The following PGAP4 variants were observed in gnomAD, a reference collection of about 807,000 sequenced individuals.
PGAP4 encodes the protein GPI-N-acetylgalactosamine transferase PGAP4.
In PGAP4, 12 loss-of-function variants were observed where a neutral mutation model predicts 28.2. The ratio of observed to expected loss-of-function variants is 0.42; its 90% CI spans 0.27 to 0.69. PGAP4 has a LOEUF of 0.69. Ranked by LOEUF, PGAP4 falls within the 30% of genes least tolerant of loss-of-function variation. PGAP4 has a pLI of 0.22. For missense variants in PGAP4, 425 were observed against 513.5 expected, an observed-to-expected ratio of 0.83 and a Z score of 1.67; for synonymous variants, 205 against 211.8, an observed-to-expected ratio of 0.97 and a Z score of 0.28.
chr9:101,509,217 A>C (rs1273633589), intron 2 of PGAP4, among the ~76,000 whole-genome samples: 1 of 152,160 alleles, frequency 6.6e-6, no homozygotes, highest in Non-Finnish European at 1.5e-5. Flanking sequence ...CCACCAGCTG[A>C]AAGAAAGAAG....
intron 2 of PGAP4, among the ~76,000 whole-genome samples, chr9:101,513,029 T>C (rs1377420585): frequency 6.6e-6 from 1 of 152,146 alleles, no homozygotes; most frequent in African/African-American, 2.4e-5. Context: ...AACAAGTAAA[T>C]CCTATTGCTG....
At chr9:101,485,068 T>C (rs1826582242) in intron 1 of PGAP4, among the ~76,000 whole-genome samples, 1 of 152,216 alleles carries the variant, frequency 6.6e-6, no homozygotes, top group African/African-American at 2.4e-5. Context: ...AGTCCATTTT[T>C]AAATTTGTGA....
At chr9:101,506,765 C>A (rs996218655) in intron 2 of PGAP4, among the ~76,000 whole-genome samples, 8 of 152,080 alleles carry the variant, frequency 5.3e-5, no homozygotes, top group African/African-American at 1.7e-4. Flanking sequence ...CCCTTAACAT[C>A]CATTAAAGCT....
intron 2 of PGAP4, among the ~76,000 whole-genome samples, chr9:101,528,787 C>A (rs1043469268): frequency 6.6e-6 from 1 of 150,728 alleles, no homozygotes; most frequent in East Asian, 1.9e-4. Flanking sequence ...AACATAGACA[C>A]TTCTTAGTTT....
At chr9:101,482,872 T>G (rs988001822) in intron 1 of PGAP4, among the ~76,000 whole-genome samples, 1 of 152,240 alleles carries the variant, frequency 6.6e-6, no homozygotes, top group South Asian at 2.1e-4. Flanking sequence ...TACCGCTTAT[T>G]AAGGCCATAC....
intron 2 of PGAP4, among the ~76,000 whole-genome samples, chr9:101,513,583 C>T (rs1030692770): frequency 2.0e-5 from 3 of 152,150 alleles, no homozygotes; most frequent in African/African-American, 7.2e-5. Flanking sequence ...GATTGTAATG[C>T]ACATGCCTCT....
At chr9:101,520,619 G>A (rs1338331714) in intron 2 of PGAP4, among the ~76,000 whole-genome samples, 1 of 152,122 alleles carries the variant, frequency 6.6e-6, no homozygotes. Flanking sequence ...GCTTTCTGGA[G>A]AAGTCCTTAG....
At chr9:101,502,604 C>A (rs927854017) in intron 2 of PGAP4, among the ~76,000 whole-genome samples, 1 of 152,024 alleles carries the variant, frequency 6.6e-6, no homozygotes, top group African/African-American at 2.4e-5. Flanking sequence ...ATTAGGAAAA[C>A]CATGAGGAGC....
chr9:101,490,025 C>G (rs1826672280), upstream of PGAP4, among the ~76,000 whole-genome samples: 1 of 152,072 alleles, frequency 6.6e-6, no homozygotes, highest in Non-Finnish European at 1.5e-5. Context: ...ATCCCTACTT[C>G]TATGGTTGGT....
chr9:101,521,760 G>A (rs569941556), intron 2 of PGAP4, among the ~76,000 whole-genome samples: 1 of 151,912 alleles, frequency 6.6e-6, no homozygotes, highest in African/African-American at 2.4e-5. Flanking sequence ...CTGGGTTTGG[G>A]TTTGGTTTGT....
Position 101,517,060 on chromosome 9 carries a change from T to C in PGAP4, c.-165+14288A>G, listed in dbSNP as rs545632320. ...AGTTATAATAACTATATACTGAAATTGAACCATTGCTGTTAGAGTCTGCTG... is the reference window on the plus strand; with the variant it reads ...AGTTATAATAACTATATACTGAAATCGAACCATTGCTGTTAGAGTCTGCTG... On this transcript the variant is annotated intron_variant, in intron 2 of 3. Transcript: ENST00000374851. 1.1e-3 allele frequency among the ~76,000 whole-genome samples: 161 copies of C among 152,324 alleles called. 1 individual carries two copies. In the Middle Eastern group the frequency reaches 0.031, roughly 29 times the overall value.
At position 101,477,153 on chromosome 9, in the gene PGAP4, G is replaced by C. The variant is rs1035343519; in HGVS notation, c.-61C>G. 1.3e-6 allele frequency: 2 copies of C among 1,493,200 alleles called. No individual in the cohort carries two copies. The highest frequency in any genetic ancestry group is 1.8e-6 in the Non-Finnish European group (2 of 1,123,564). The allele number at this position is 1,493,200 out of a possible 1,614,324, so 92.5% of individuals were successfully genotyped here. ...AAACCATCCTGGAACTCAGGCCAGA[G>C]TCATCAGAAATCAAACCTAAAGAGA... On this transcript the variant is annotated 5_prime_UTR_variant, in exon 2 of 2. Transcript: ENST00000374848.
chr9:101,477,068 C>A lies in PGAP4; in HGVS notation c.25G>T (p.Ala9Ser). The A allele has an allele frequency of 6.3e-7, 1 of 1,597,876 alleles. No homozygotes were observed. Among genetic ancestry groups the A allele is most frequent in the Non-Finnish European group, 8.5e-7 (1 of 1,173,346 alleles). The change falls in exon 2 of 2, where the codon GCC becomes TCC. Residue 9 changes from alanine to serine, a missense_variant. Physicochemically the swap from Ala to Ser is moderately conservative, Grantham distance 99. Coordinates refer to ENST00000374848, the MANE Select transcript of PGAP4 (RefSeq NM_032342.3). ...CGCCGCAGCCTCCGGAGGAGCATGG[C>A]AGCTGGAGAGGTTGAAGTGCTCATG... MSTSTSPA[A>S]MLLRRLRRLS...
chr9:101,520,543 C>G (rs1346083466), intron 2 of PGAP4, among the ~76,000 whole-genome samples: 1 of 152,124 alleles, frequency 6.6e-6, no homozygotes, highest in Non-Finnish European at 1.5e-5. Flanking sequence ...TATAGAAGAG[C>G]TACTTATTTG....
intron 2 of PGAP4, among the ~76,000 whole-genome samples, chr9:101,526,477 T>C (rs747741530): frequency 6.6e-6 from 1 of 152,192 alleles, no homozygotes; most frequent in Non-Finnish European, 1.5e-5. Context: ...TGGGATGGCG[T>C]CTGACTCTCT....
chr9:101,496,393 C>T (rs1487253026), intron 2 of PGAP4, among the ~76,000 whole-genome samples: 1 of 151,254 alleles, frequency 6.6e-6, no homozygotes. Context: ...TAAATCTGAG[C>T]AGTTTAAAAA....
Position 101,477,200 on chromosome 9 carries a change from A to T in PGAP4, c.-77-31T>A, listed in dbSNP as rs541356325. On this transcript the variant is annotated intron_variant, in intron 1 of 1. Transcript: ENST00000374848. ...GAGAGAGGAAGTAGGGAATGGTAAG[A>T]GTAACTTAAAAAAACAAACAAACAA... 4.2e-6 allele frequency: 6 copies of T among 1,419,436 alleles called. No individual in the cohort carries two copies. The East Asian group carries it at 1.5e-4, about 36-fold the overall frequency. 87.9% of individuals were successfully genotyped at this position (1,419,436 alleles called of 1,614,324 possible).
chr9:101,518,928 C>T (rs1826962652), intron 2 of PGAP4, among the ~76,000 whole-genome samples: 1 of 152,166 alleles, frequency 6.6e-6, no homozygotes, highest in African/African-American at 2.4e-5. Context: ...ACATTCCCAC[C>T]AGCAGTGTAG....
chr9:101,510,713 G>T (rs534425052), intron 2 of PGAP4, among the ~76,000 whole-genome samples: 1 of 152,096 alleles, frequency 6.6e-6, no homozygotes, highest in African/African-American at 2.4e-5. Flanking sequence ...TAGCATGTGG[G>T]CTTACCAAAA....
Sources: gnomAD v4.1 joint callset for allele counts (sites outside exome capture counted in the v4.1 genomes callset) on GRCh38, gnomAD v4.1.1 for gene constraint, MANE v1.5 for transcripts, NCBI Gene and HGNC (gene_info 2026-07-23, HGNC 2026-07-21) for gene names.